The following ASTN1 variants were observed in gnomAD, a reference collection of about 807,000 sequenced individuals.
The protein encoded by ASTN1 is astrotactin-1.
A neutral mutation model predicts 140.7 loss-of-function variants in ASTN1; 41 were observed. The observed-to-expected ratio is 0.29, with a 90% CI of 0.23 to 0.38. The LOEUF (loss-of-function observed/expected upper bound fraction) is 0.38, where lower values mean the gene tolerates loss of function less well. Ranked by LOEUF, ASTN1 falls within the 10% of genes least tolerant of loss-of-function variation. The probability of loss-of-function intolerance (pLI) is 1.00; values close to 1 mark genes in which losing one functional copy is unlikely to be tolerated. For synonymous variants in ASTN1, 640 were observed against 652.2 expected, an observed-to-expected ratio of 0.98 and a Z score of 0.29; for missense variants, 1,479 against 1,678.8, an observed-to-expected ratio of 0.88 and a Z score of 2.08.
chr1:177,043,653 C>G (rs1236077328), intron 2 of ASTN1, among the ~76,000 whole-genome samples: 1 of 152,234 alleles, frequency 6.6e-6, no homozygotes, highest in Non-Finnish European at 1.5e-5. Context: ...TTGTACCATT[C>G]CAGCTGTGAC....
chr1:176,868,091 A>G (rs1668194448), intron 22 of ASTN1, among the ~76,000 whole-genome samples: 1 of 152,044 alleles, frequency 6.6e-6, no homozygotes, highest in African/African-American at 2.4e-5. Flanking sequence ...GGGGACATAT[A>G]GGTACCAACA....
At chr1:177,081,308 T>C (rs758589697) in intron 1 of ASTN1, among the ~76,000 whole-genome samples, 8 of 152,232 alleles carry the variant, frequency 5.3e-5, no homozygotes, top group Non-Finnish European at 1.0e-4. Context: ...TTATGAATTG[T>C]ATTTCATGCC....
chr1:177,138,986 C>G (rs1415451560), intron 1 of ASTN1, among the ~76,000 whole-genome samples: 3 of 152,182 alleles, frequency 2.0e-5, no homozygotes, highest in Admixed American at 2.0e-4. Flanking sequence ...TCTTTCCACT[C>G]CGCCATGCAG....
At chr1:177,034,632 C>T (rs1676621498) in intron 2 of ASTN1, among the ~76,000 whole-genome samples, 1 of 152,126 alleles carries the variant, frequency 6.6e-6, no homozygotes, top group South Asian at 2.1e-4. Context: ...ACAGTGCCTC[C>T]ACAGTGCATG....
At chr1:176,896,687 G>C (rs968418306) in intron 16 of ASTN1, among the ~76,000 whole-genome samples, 2 of 152,164 alleles carry the variant, frequency 1.3e-5, no homozygotes, top group African/African-American at 4.8e-5. Context: ...CAGAATAGCA[G>C]AGAGCTCTCT....
At chr1:177,144,119 G>A (rs1682595663) in intron 1 of ASTN1, among the ~76,000 whole-genome samples, 1 of 150,514 alleles carries the variant, frequency 6.6e-6, no homozygotes, top group South Asian at 2.1e-4. Flanking sequence ...GCTCTAATTT[G>A]TGCGGATGTC....
chr1:177,046,151 C>T (rs141629107), intron 2 of ASTN1, among the ~76,000 whole-genome samples: 180 of 152,264 alleles, frequency 1.2e-3, no homozygotes, highest in Non-Finnish European at 2.3e-3. Context: ...GAGATACAGG[C>T]TACAAACCGG....
chr1:176,866,980 C>A (rs940554416), intron 22 of ASTN1, among the ~76,000 whole-genome samples: 2 of 152,174 alleles, frequency 1.3e-5, no homozygotes, highest in African/African-American at 4.8e-5. Context: ...TTATTTCCTG[C>A]AGACTAATGA....
At chr1:177,002,974 A>G (rs1674807871) in intron 8 of ASTN1, among the ~76,000 whole-genome samples, 1 of 146,844 alleles carries the variant, frequency 6.8e-6, no homozygotes, top group African/African-American at 2.6e-5. Context: ...ATCGGTAATA[A>G]AAAAAAAAGG....
chr1:176,946,968 T>C (rs1034205207), intron 12 of ASTN1, among the ~76,000 whole-genome samples: 1 of 152,222 alleles, frequency 6.6e-6, no homozygotes, highest in African/African-American at 2.4e-5. Context: ...GGGTCTCTCA[T>C]TGGGCATAAA....
chr1:177,088,629 C>A (rs1679589345), intron 1 of ASTN1, among the ~76,000 whole-genome samples: 1 of 152,096 alleles, frequency 6.6e-6, no homozygotes. Flanking sequence ...TAGAATACTA[C>A]TTTAAAAATT....
intron 1 of ASTN1, among the ~76,000 whole-genome samples, chr1:177,140,260 T>C (rs1042246131): frequency 2.0e-5 from 3 of 152,198 alleles, no homozygotes; most frequent in African/African-American, 2.4e-5. Flanking sequence ...AAAGACATTA[T>C]AATCTTTTAA....
intron 2 of ASTN1, among the ~76,000 whole-genome samples, chr1:177,035,699 G>C (rs1463180252): frequency 3.3e-5 from 5 of 152,084 alleles, no homozygotes; most frequent in Non-Finnish European, 7.4e-5. Flanking sequence ...TCTATCTCTA[G>C]GTTCAGCCCC....
At chr1:176,989,848 C>T (rs912691414) in intron 8 of ASTN1, among the ~76,000 whole-genome samples, 28 of 151,954 alleles carry the variant, frequency 1.8e-4, no homozygotes, top group Non-Finnish European at 3.5e-4. Flanking sequence ...AGCAATTTCC[C>T]ACCTCCCAAC....
chr1:177,058,143 C>G (rs1394883475), intron 2 of ASTN1, among the ~76,000 whole-genome samples: 1 of 152,120 alleles, frequency 6.6e-6, no homozygotes, highest in Non-Finnish European at 1.5e-5. Flanking sequence ...GCTAGGTGGG[C>G]TGCAGTAGGC....
chr1:177,072,937 G>A (rs776489042), intron 1 of ASTN1, among the ~76,000 whole-genome samples: 9 of 151,818 alleles, frequency 5.9e-5, no homozygotes, highest in Non-Finnish European at 1.0e-4. Context: ...TGTTAGTTGC[G>A]TTTTGCAAAA....
chr1:177,104,795 G>A (rs1056238770), intron 1 of ASTN1, among the ~76,000 whole-genome samples: 1 of 152,166 alleles, frequency 6.6e-6, no homozygotes. Flanking sequence ...TTGGGGTCTA[G>A]ACCGTTCCTC....
At chr1:176,880,190 A>G (rs1376006321) in intron 20 of ASTN1, among the ~76,000 whole-genome samples, 1 of 152,148 alleles carries the variant, frequency 6.6e-6, no homozygotes, top group Non-Finnish European at 1.5e-5. Context: ...GATGACCCCA[A>G]CGGAGGCCTG....
At chr1:177,006,718 A>T (rs1238054562) in intron 8 of ASTN1, among the ~76,000 whole-genome samples, 1 of 152,056 alleles carries the variant, frequency 6.6e-6, no homozygotes, top group African/African-American at 2.4e-5. Flanking sequence ...CGCCTCTGGC[A>T]CTGTTTAAAA....
Sources: allele counts gnomAD v4.1 joint callset (sites outside exome capture counted in the v4.1 genomes callset), GRCh38; gene constraint gnomAD v4.1.1; transcripts MANE v1.5; gene names NCBI Gene and HGNC (gene_info 2026-07-23, HGNC 2026-07-21).